Variants in EVC2 observed in about 807,000 individuals in gnomAD.
The protein encoded by EVC2 is EvC ciliary complex subunit 2, also known as limbin.
In EVC2, 148 loss-of-function variants were observed where a neutral mutation model predicts 149.3. That is an observed-to-expected ratio of 0.99 (90% CI 0.87 to 1.14). The LOEUF is 1.14. Among genes scored for constraint, EVC2 ranks in the 50% most tolerant of loss-of-function variants. The probability of loss-of-function intolerance (pLI) is 0.00; values close to 1 mark genes in which losing one functional copy is unlikely to be tolerated. For missense variants in EVC2, 1,854 were observed against 1,627.3 expected (o/e 1.14, Z -2.40); for synonymous variants, 776 against 649.9 (o/e 1.19, Z -2.95).
At chr4:5,596,833 A>G (rs1002778132) in intron 16 of EVC2, among the ~76,000 whole-genome samples, 13 of 152,256 alleles carry the variant, frequency 8.5e-5, no homozygotes, top group African/African-American at 2.4e-4. Flanking sequence ...CTAATAAAGA[A>G]GAAAAGAGAG....
chr4:5,693,639 T>G (rs1721270648), intron 3 of EVC2, among the ~76,000 whole-genome samples: 1 of 152,246 alleles, frequency 6.6e-6, no homozygotes. Context: ...TCAGCCATGC[T>G]GTTTGTGGTC....
chr4:5,588,509 T>C (rs1200946791), intron 16 of EVC2, among the ~76,000 whole-genome samples: 1 of 152,148 alleles, frequency 6.6e-6, no homozygotes, highest in Non-Finnish European at 1.5e-5. Flanking sequence ...TCTCCTCTTC[T>C]CCAGGAATTC....
chr4:5,643,794 GC>G (rs1717511649), intron 9 of EVC2, among the ~76,000 whole-genome samples: 1 of 152,054 alleles, frequency 6.6e-6, no homozygotes, highest in Non-Finnish European at 1.5e-5. Flanking sequence ...GGTGGCAGGC[GC>G]CTGTAACCCC....
intron 20 of EVC2, 51 bp downstream of exon 20, chr4:5,568,393 C>T (rs902164956): frequency 1.3e-6 from 2 of 1,525,472 alleles, no homozygotes; most frequent in Non-Finnish European, 1.8e-6. Flanking sequence ...CTCATGGGGA[C>T]CCTTGTGGAC....
At position 5,689,153 on chromosome 4, in the gene EVC2, T is replaced by G; in HGVS notation, c.706+4A>C. 1.9e-6 allele frequency: 3 copies of G among 1,614,084 alleles called. No homozygotes were observed. Among genetic ancestry groups the G allele is most frequent in the Non-Finnish European group, 2.5e-6 (3 of 1,180,028 alleles). ...TCCCTGACTTCAGAACGCTTTGCTG[T>G]TACCTTGCAGAAACTTCTTGCTAAA... On this transcript the variant is annotated splice_donor_region_variant and intron_variant, in intron 5 of 21. Transcript: ENST00000344408.
chr4:5,530,182 A>G, the EVC2 span, among the ~76,000 whole-genome samples: 9 of 152,316 alleles, frequency 5.9e-5, no homozygotes, highest in East Asian at 3.9e-4. Flanking sequence ...CAATAAAAGC[A>G]TAAGTCCTTA....
chr4:5,594,475 A>G (rs1246853718), intron 16 of EVC2, among the ~76,000 whole-genome samples: 6 of 152,172 alleles, frequency 3.9e-5, no homozygotes, highest in Non-Finnish European at 7.3e-5. Flanking sequence ...TCTGGAGTGG[A>G]CCTCTAGCAA....
At chr4:5,588,673 T>C (rs1712513423) in intron 16 of EVC2, among the ~76,000 whole-genome samples, 2 of 152,298 alleles carry the variant, frequency 1.3e-5, no homozygotes, top group Non-Finnish European at 1.5e-5. Context: ...TGTGTATGTG[T>C]GTGTGTGTAT....
rs201800139 is a variant in EVC2 at position 5,576,232 on chromosome 4, C to G, written c.3272+8G>C. ...ATATCTTTGAGTGCTACGGGGCACA[C>G]GGCATACCACTGCTGATGTTGCTCC... On this transcript the variant is annotated splice_region_variant and intron_variant, in intron 18 of 21. Transcript: ENST00000344408. The surrounding 1 kb of genome is among the most constrained non-coding windows in gnomAD (Gnocchi z 4.5). 1.1e-4 allele frequency: 176 copies of G among 1,614,012 alleles called. 1 individual carries two copies. The highest frequency in any genetic ancestry group is 1.3e-4 in the Non-Finnish European group (148 of 1,180,030).
downstream of EVC2, among the ~76,000 whole-genome samples, chr4:5,540,073 C>A (rs368327955): frequency 2.6e-5 from 4 of 152,168 alleles, no homozygotes; most frequent in Admixed American, 2.6e-4. Flanking sequence ...AGACACTCCA[C>A]CAAAGAAGAC....
chr4:5,638,587 G>A (rs1717065122), intron 10 of EVC2, among the ~76,000 whole-genome samples: 1 of 152,014 alleles, frequency 6.6e-6, no homozygotes. Flanking sequence ...GGCTGCAGTG[G>A]ACTGAATGGT....
At chr4:5,597,297 A>C (rs866552988) in intron 16 of EVC2, among the ~76,000 whole-genome samples, 1 of 152,342 alleles carries the variant, frequency 6.6e-6, no homozygotes, top group Non-Finnish European at 1.5e-5. Flanking sequence ...TCCTTGATGA[A>C]CATTGATGCA....
At chr4:5,655,282 G>A (rs550141748) in intron 9 of EVC2, among the ~76,000 whole-genome samples, 6 of 152,284 alleles carry the variant, frequency 3.9e-5, no homozygotes, top group African/African-American at 1.4e-4. Flanking sequence ...CACCTTAGCT[G>A]ACCTTTGCTC....
intron 19 of EVC2, among the ~76,000 whole-genome samples, chr4:5,573,767 C>T (rs905870941): frequency 6.6e-6 from 1 of 152,172 alleles, no homozygotes; most frequent in Non-Finnish European, 1.5e-5. Context: ...AGCTGGACGC[C>T]TAAAAGCGCC....
At chr4:5,701,401 G>A (rs1216449264) in intron 1 of EVC2, among the ~76,000 whole-genome samples, 1 of 152,170 alleles carries the variant, frequency 6.6e-6, no homozygotes, top group East Asian at 1.9e-4. Context: ...TGGGCATCTT[G>A]GGGAGCCATT....
intron 16 of EVC2, among the ~76,000 whole-genome samples, chr4:5,612,506 C>T (rs1462618640): frequency 6.6e-6 from 1 of 152,110 alleles, no homozygotes; most frequent in African/African-American, 2.4e-5. Flanking sequence ...AGGTTGCTCC[C>T]TGCTGCAAGG....
At chr4:5,546,151 T>G (rs13138206) in intron 21 of EVC2, among the ~76,000 whole-genome samples, 70,854 of 152,056 alleles carry the variant, frequency 0.47, 20,304 homozygotes, top group Non-Finnish European at 0.65. Context: ...TGGAAGTGAG[T>G]GTGGCAATTC....
chr4:5,686,258 A>G lies in EVC2; in HGVS notation c.707-779T>C, dbSNP rs1053400787. Among the ~76,000 whole-genome samples the G allele has an allele frequency of 2.0e-5, 3 of 152,076 alleles. No homozygotes were observed. The East Asian group carries it at 5.8e-4, about 29-fold the overall frequency. On this transcript the variant is annotated intron_variant, in intron 5 of 21. Coordinates refer to ENST00000344408, the MANE Select transcript of EVC2 (RefSeq NM_147127.5). This position sits in a 1 kb window ranked among gnomAD's most constrained non-coding sequence, Gnocchi z 5.4. ...TTTATTTCTGAGACAGGCTCTCTCT[A>G]TGTTGCCCAGACTAGTCTCGAACTC...
intron 7 of EVC2, among the ~76,000 whole-genome samples, chr4:5,678,224 G>A (rs1363401989): frequency 6.6e-6 from 1 of 152,138 alleles, no homozygotes; most frequent in Non-Finnish European, 1.5e-5. Context: ...TTCCTTCTGG[G>A]AGTCTGGAAT....
Sources: gnomAD v4.1 joint callset for allele counts (sites outside exome capture counted in the v4.1 genomes callset) on GRCh38, gnomAD v4.1.1 for gene constraint, Gnocchi (gnomAD v3.1) non-coding constraint, MANE v1.5 for transcripts, NCBI Gene and HGNC (gene_info 2026-07-23, HGNC 2026-07-21) for gene names.